The following PDK2 variants were observed in gnomAD, a reference collection of about 807,000 sequenced individuals.
PDK2 encodes pyruvate dehydrogenase kinase, isozyme 2.
PDK2 carries 34 observed loss-of-function variants against 50.4 expected under a neutral mutation model. The observed-to-expected ratio is 0.68, with a 90% CI of 0.51 to 0.90. The LOEUF is 0.90. Ranked by LOEUF, PDK2 falls within the 40% of genes least tolerant of loss-of-function variation. The pLI is 0.00. For missense variants in PDK2, 377 were observed against 544.5 expected (o/e 0.69, Z 3.06); for synonymous variants, 232 against 216.0 (o/e 1.07, Z -0.65).
In PDK2 at chr17:50,107,059, AC is replaced by A. The variant is rs750485750; in HGVS notation, c.608-13del. ...GGGTGGGCCACCCATGCCCTGAATG[AC>A]CCCATCTTCTCTCAGATGCCTACGA... On this transcript the variant is annotated splice_polypyrimidine_tract_variant and intron_variant, in intron 5 of 10. Transcript: ENST00000503176. The A allele has an allele frequency of 1.6e-4, 262 of 1,611,194 alleles. No individual in the cohort carries two copies. The highest frequency in any genetic ancestry group is 2.0e-4 in the Non-Finnish European group (239 of 1,177,648).
At chr17:50,105,613 G>A (rs139747313) in intron 3 of PDK2, among the ~76,000 whole-genome samples, 171 bp downstream of exon 3, 2,872 of 152,260 alleles carry the variant, frequency 0.019, 31 homozygotes, top group Non-Finnish European at 0.031. Flanking sequence ...AAGTTTGATG[G>A]GAGAGACATG....
rs1454601121 is a variant in PDK2, at chr17:50,106,145, G to A, written c.517+76G>A. Reference sequence around the variant, plus strand: ...GGGGCCCAGGGCCGGGCTGCTGAGGGGACCTAGACCACTCTTCAGAACCCC... The same window carrying A: ...GGGGCCCAGGGCCGGGCTGCTGAGGAGACCTAGACCACTCTTCAGAACCCC... On this transcript the variant is annotated intron_variant, in intron 4 of 10. Coordinates refer to ENST00000503176, the MANE Select transcript of PDK2 (RefSeq NM_002611.5). The A allele has an allele frequency of 3.7e-5, 57 of 1,546,978 alleles. 1 individual carries two copies. In the Admixed American group the frequency reaches 1.0e-3, roughly 27 times the overall value.
chr17:50,095,375 C>A lies in PDK2; in HGVS notation c.-61C>A, dbSNP rs1384033634. 3.1e-6 allele frequency: 4 copies of A among 1,284,606 alleles called. No individual in the cohort carries two copies. The African/African-American group carries it at 5.9e-5, about 19-fold the overall frequency. The allele number at this position is 1,284,606 out of a possible 1,614,324, so 79.6% of individuals were successfully genotyped here. A position where few individuals can be genotyped will look rare whatever the true frequency, so the allele number is the denominator to read the frequency against. ...AGGCGGCCGAACCGCGTCGCTGGGC[C>A]GAAAGGTGCGCGAGCGCTGCCCGCG... On this transcript the variant is annotated 5_prime_UTR_variant, in exon 1 of 11. Transcript: ENST00000503176.
At chr17:50,096,950 G>A (rs1909981253) in intron 1 of PDK2, among the ~76,000 whole-genome samples, 1 of 152,224 alleles carries the variant, frequency 6.6e-6, no homozygotes, top group Non-Finnish European at 1.5e-5. Flanking sequence ...TGGGCATTCA[G>A]GCCAGGCTGG....
chr17:50,108,817 G>A (rs1169628695), intron 9 of PDK2, 98 bp downstream of exon 9: 47 of 731,216 alleles, frequency 6.4e-5, no homozygotes, highest in East Asian at 4.3e-4. Flanking sequence ...CTGTGTGGCC[G>A]TCTGTGACAG....
intron 2 of PDK2, among the ~76,000 whole-genome samples, chr17:50,100,531 T>A (rs2144352783): frequency 6.6e-6 from 1 of 152,244 alleles, no homozygotes; most frequent in Non-Finnish European, 1.5e-5. Context: ...ACAAGGCATA[T>A]CCCCAGGCTG....
chr17:50,108,267 C>T (rs371799736), intron 7 of PDK2, 35 bp downstream of exon 7: 9 of 1,603,816 alleles, frequency 5.6e-6, no homozygotes, highest in East Asian at 2.2e-5. Flanking sequence ...TTGCGGGGAG[C>T]GTGAGTAGGG....
chr17:50,104,653 G>C lies in PDK2; in HGVS notation c.261-718G>C, dbSNP rs138535225. On this transcript the variant is annotated intron_variant, in intron 2 of 10. Coordinates refer to ENST00000503176, the MANE Select transcript of PDK2 (RefSeq NM_002611.5). ...GGCCTGTAGATGGGAGGAGGTGGCA[G>C]GGCATCACCCACTGCTACCTGGCCT... 3.9e-3 allele frequency among the ~76,000 whole-genome samples: 590 copies of C among 152,316 alleles called. 6 individuals carry two copies. Among genetic ancestry groups the C allele is most frequent in the African/African-American group, 0.013 (559 of 41,560 alleles).
chr17:50,110,793 A>T lies in PDK2; in HGVS notation c.*696A>T. ...GTGCCACCTCCTGAGCCCTCCCAGC[A>T]TGTCCTCACATGCTCATGCCCACCC... On this transcript the variant is annotated 3_prime_UTR_variant, in exon 11 of 11. Transcript: ENST00000503176. 6.6e-6 allele frequency: 1 copy of T among 152,146 alleles called. No individual in the cohort carries two copies. The highest frequency in any genetic ancestry group is 2.4e-5 in the African/African-American group (1 of 41,424). 9.4% of individuals were successfully genotyped at this position (152,146 alleles called of 1,614,324 possible).
At position 50,106,658 on chromosome 17, in the gene PDK2, G is replaced by C. The variant is rs541064450; in HGVS notation, c.518-136G>C. ...CAGGGAAGGGAGGACAGAAGCGGGG[G>C]AGTGGGGCAGCTTTAGGACTGGAGC... is the stretch of plus-strand genomic sequence containing the variant. On this transcript the variant is annotated intron_variant, in intron 4 of 10. Transcript: ENST00000503176. The C allele has an allele frequency of 7.0e-6, 5 of 718,048 alleles. No homozygotes were observed. In the African/African-American group the frequency reaches 8.8e-5, roughly 13 times the overall value. The allele number at this position is 718,048 out of a possible 1,614,324, so 44.5% of individuals were successfully genotyped here. A position where few individuals can be genotyped will look rare whatever the true frequency, so the allele number is the denominator to read the frequency against.
At position 50,105,420 on chromosome 17, in the gene PDK2, G is replaced by A. The variant is rs778166941; in HGVS notation, c.310G>A (p.Glu104Lys). Residue 104 changes from glutamate (E) to lysine (K), a missense_variant, in exon 3 of 11, where the codon GAG becomes AAG. Glu to Lys is a moderately conservative substitution (Grantham distance 56). Coordinates refer to ENST00000503176, the MANE Select transcript of PDK2 (RefSeq NM_002611.5). ...CATGGAGTTCCTGGACAAGGATCCCGAGGACCATCGCACCCTGAGCCAGTG... is the reference window on the plus strand; with the variant it reads ...CATGGAGTTCCTGGACAAGGATCCCAAGGACCATCGCACCCTGAGCCAGTG... ...DIMEFLDKDPEDHRTLSQFTD... is the reference protein window; with the variant it reads ...DIMEFLDKDPKDHRTLSQFTD... The A allele has an allele frequency of 3.7e-6, 6 of 1,613,722 alleles. No individual in the cohort carries two copies. The highest frequency in any genetic ancestry group is 2.7e-5 in the African/African-American group (2 of 74,912).
rs1338008176 is a variant in PDK2, at chr17:50,112,040, CCT to C, written c.*1946_*1947del. ...AGGCCTTGGCTGGTGGAAGTGGTGT[CCT>C]CTGTCCCTATCAGTTCCTGTTTGCT... On this transcript the variant is annotated 3_prime_UTR_variant, in exon 11 of 11. Transcript: ENST00000503176. 6.6e-6 allele frequency: 1 copy of C among 152,246 alleles called. No individual in the cohort carries two copies. The highest frequency in any genetic ancestry group is 1.5e-5 in the Non-Finnish European group (1 of 68,146). 9.4% of individuals were successfully genotyped at this position (152,246 alleles called of 1,614,324 possible).
chr17:50,110,478 G>A lies in PDK2; in HGVS notation c.*381G>A, dbSNP rs879944910. The stretch of plus-strand genomic sequence containing the variant: ...CACAGGCCTTCCAAGTGGATGTCCC[G>A]TTGCCTTATTCCCCCAGCCCACAAA... On this transcript the variant is annotated 3_prime_UTR_variant, in exon 11 of 11. Transcript: ENST00000503176. The A allele has an allele frequency of 6.7e-5, 11 of 164,088 alleles. No individual in the cohort carries two copies. The East Asian group carries it at 6.9e-4, about 10-fold the overall frequency. The allele number at this position is 164,088 out of a possible 1,614,324, so 10.2% of individuals were successfully genotyped here. A position where few individuals can be genotyped will look rare whatever the true frequency, so the allele number is the denominator to read the frequency against.
chr17:50,107,211 G>A lies in PDK2; in HGVS notation c.685+58G>A, dbSNP rs1433973182. The A allele has an allele frequency of 5.3e-6, 7 of 1,313,684 alleles. No homozygotes were observed. The Admixed American group carries it at 1.0e-4, about 19-fold the overall frequency. 81.4% of individuals were successfully genotyped at this position (1,313,684 alleles called of 1,614,324 possible). A position where few individuals can be genotyped will look rare whatever the true frequency, so the allele number is the denominator to read the frequency against. On this transcript the variant is annotated intron_variant, in intron 6 of 10. Coordinates refer to ENST00000503176, the MANE Select transcript of PDK2 (RefSeq NM_002611.5). ...TGGGGCTGGGGACGTGGCAGGGCAA[G>A]GTGAGACGGGGAGTCAGGAGATGGA...
intron 2 of PDK2, among the ~76,000 whole-genome samples, chr17:50,100,346 GGGGA>G (rs1555559414): frequency 6.6e-6 from 1 of 152,180 alleles, no homozygotes; most frequent in Non-Finnish European, 1.5e-5. Flanking sequence ...GAGACTGGAC[GGGGA>G]GGGAAAGTCC....
intron 1 of PDK2, among the ~76,000 whole-genome samples, chr17:50,096,786 T>A (rs1364815201): frequency 6.6e-6 from 1 of 152,224 alleles, no homozygotes; most frequent in Non-Finnish European, 1.5e-5. Flanking sequence ...CAGAGCCTGA[T>A]GGACTGGAAC....
intron 1 of PDK2, chr17:50,096,058 C>T (rs1173456626): frequency 6.4e-6 from 6 of 931,494 alleles, no homozygotes; most frequent in Non-Finnish European, 7.7e-6. Flanking sequence ...AAGCCAGGGG[C>T]AGTTGGGGAA....
chr17:50,106,976 G>A, intron 5 of PDK2, 93 bp downstream of exon 5: 3 of 1,467,744 alleles, frequency 2.0e-6, no homozygotes, highest in Non-Finnish European at 2.9e-6. Context: ...CTCAGTAAGG[G>A]GTGCCATGGA....
intron 2 of PDK2, among the ~76,000 whole-genome samples, chr17:50,104,972 C>A (rs1178184194): frequency 6.6e-6 from 1 of 152,212 alleles, no homozygotes; most frequent in Non-Finnish European, 1.5e-5. Context: ...TGTTTCCACA[C>A]TGGGGCTCAG....
Sources: gnomAD v4.1 joint callset for allele counts (sites outside exome capture counted in the v4.1 genomes callset) on GRCh38, gnomAD v4.1.1 for gene constraint, MANE v1.5 for transcripts, NCBI Gene and HGNC (gene_info 2026-07-23, HGNC 2026-07-21) for gene names.